The following NOX5 variants were observed in gnomAD, a reference collection of about 807,000 sequenced individuals.
NOX5 encodes the protein NADPH oxidase, EF-hand calcium binding domain 5.
A neutral mutation model predicts 85.7 loss-of-function variants in NOX5; 76 were observed. The ratio of observed to expected loss-of-function variants is 0.89; its 90% confidence interval spans 0.74 to 1.07. The LOEUF is 1.07. Ranked by LOEUF, NOX5 falls within the 50% of genes least tolerant of loss-of-function variation. The probability of loss-of-function intolerance (pLI) is 0.00; values close to 1 mark genes in which losing one functional copy is unlikely to be tolerated. For missense variants in NOX5, 973 were observed against 999.5 expected, an observed-to-expected ratio of 0.97 and a Z score of 0.36; for synonymous variants, 405 against 401.4, an observed-to-expected ratio of 1.01 and a Z score of -0.11.
intron 1 of NOX5, among the ~76,000 whole-genome samples, chr15:69,015,172 T>C (rs577447276): frequency 1.3e-5 from 2 of 152,234 alleles, no homozygotes; most frequent in African/African-American, 4.8e-5. Flanking sequence ...TCTCCTGGGG[T>C]AAATTCTGGC....
intron 15 of NOX5, among the ~76,000 whole-genome samples, chr15:69,055,815 C>G (rs2050805348): frequency 6.6e-6 from 1 of 152,208 alleles, no homozygotes; most frequent in Non-Finnish European, 1.5e-5. Context: ...CCTGGAAAAA[C>G]AACAAATCTT....
intron 10 of NOX5, 126 bp downstream of exon 10, chr15:69,042,931 G>C (rs889640654): frequency 1.9e-6 from 2 of 1,032,042 alleles, no homozygotes; most frequent in Non-Finnish European, 2.8e-6. Context: ...CAGCACAAGG[G>C]GGTTAGGCAA....
intron 10 of NOX5, among the ~76,000 whole-genome samples, chr15:69,046,567 T>C (rs1238846871): frequency 6.6e-6 from 1 of 152,156 alleles, no homozygotes; most frequent in East Asian, 1.9e-4. Flanking sequence ...GTGGGAGCCA[T>C]GGTGGGCAGG....
Position 69,061,768 on chromosome 15 carries a change from G to T in NOX5, c.*5072G>T, listed in dbSNP as rs573407781. 6.6e-6 allele frequency: 1 copy of T among 152,132 alleles called. No individual in the cohort carries two copies. Among genetic ancestry groups the T allele is most frequent in the African/African-American group, 2.4e-5 (1 of 41,410 alleles). 9.4% of individuals were successfully genotyped at this position (152,132 alleles called of 1,614,324 possible). A position where few individuals can be genotyped will look rare whatever the true frequency, so the allele number is the denominator to read the frequency against. On this transcript the variant is annotated 3_prime_UTR_variant, in exon 16 of 16. Coordinates refer to ENST00000388866, the MANE Select transcript of NOX5 (RefSeq NM_024505.4). ...CCTAATACTACTCAGGGACAAATGG[G>T]CCCTCTTAAACTACCCTAGCTGTGT...
rs745697423 is a variant in NOX5, at chr15:69,031,549, A to G, written c.357A>G (p.Thr119=). ...CACGGCAGGGGGCGTCTGCAGGTAC[A>G]GAGTGGGGTGCTGGGGCAGGCCCGC... ...VCARQGASAG[T]EWGAGAGPHW... The change falls in exon 4 of 16, where the codon ACA becomes ACG. Residue 119 remains threonine, a synonymous_variant. Coordinates refer to ENST00000388866, the MANE Select transcript of NOX5 (RefSeq NM_024505.4). 1.2e-6 allele frequency: 2 copies of G among 1,611,704 alleles called. No homozygotes were observed. The highest frequency in any genetic ancestry group is 1.1e-5 in the South Asian group (1 of 91,068).
intron 1 of NOX5, among the ~76,000 whole-genome samples, chr15:69,019,847 G>C (rs1014391194): frequency 1.3e-5 from 2 of 152,194 alleles, no homozygotes; most frequent in Non-Finnish European, 1.5e-5. Flanking sequence ...TACAATTCAT[G>C]TTCTCACCAG....
At chr15:69,052,059 T>C (rs4776428) in intron 14 of NOX5, among the ~76,000 whole-genome samples, 13,766 of 152,032 alleles carry the variant, frequency 0.091, 874 homozygotes, top group East Asian at 0.21. Context: ...AAAAAATGTT[T>C]TTTAAAAAAC....
chr15:69,054,354 C>T (rs746473544), intron 14 of NOX5, among the ~76,000 whole-genome samples: 2 of 152,180 alleles, frequency 1.3e-5, no homozygotes, highest in African/African-American at 2.4e-5. Flanking sequence ...CTTGTGGGCT[C>T]CTTCGTCCCA....
At chr15:69,036,916 G>A in intron 7 of NOX5, 112 bp from the exon 8 acceptor site, 1 of 822,094 alleles carries the variant, frequency 1.2e-6, no homozygotes, top group Non-Finnish European at 2.0e-6. Flanking sequence ...CCCCGGGAGA[G>A]AGTCAAGGCT....
At chr15:69,049,192 CTT>C (rs34467340) in intron 14 of NOX5, 134 bp downstream of exon 14, 14,495 of 288,470 alleles carry the variant, frequency 0.05, no homozygotes, top group East Asian at 0.082. Flanking sequence ...AACCCAGAGT[CTT>C]TTTTTTTTTT....
intron 2 of NOX5, among the ~76,000 whole-genome samples, chr15:69,027,460 C>A (rs547084806): frequency 6.6e-6 from 1 of 152,108 alleles, no homozygotes; most frequent in East Asian, 1.9e-4. Flanking sequence ...CAGTCCACAG[C>A]GGACTTCGGC....
rs999098675 is a variant in NOX5 at position 69,060,315 on chromosome 15, G to A, written c.*3619G>A. The stretch of plus-strand genomic sequence containing the variant: ...TAGGGAGGGATGAGGAACATTAGCC[G>A]AGACTGGCTCTGGGCCAACCTGTTG... On this transcript the variant is annotated 3_prime_UTR_variant, in exon 16 of 16. Coordinates refer to ENST00000388866, the MANE Select transcript of NOX5 (RefSeq NM_024505.4). 9 of 152,288 alleles carry A rather than the reference G, an allele frequency of 5.9e-5. No individual in the cohort carries two copies. Among genetic ancestry groups the A allele is most frequent in the African/African-American group, 1.7e-4 (7 of 41,456 alleles). The allele number at this position is 152,288 out of a possible 1,614,324, so 9.4% of individuals were successfully genotyped here.
intron 10 of NOX5, among the ~76,000 whole-genome samples, chr15:69,044,631 T>G (rs957717090): frequency 1.3e-5 from 2 of 152,184 alleles, no homozygotes; most frequent in East Asian, 3.8e-4. Flanking sequence ...CCAGTCAAGA[T>G]GTAGTAAGTG....
At chr15:69,019,728 T>C (rs311910) in intron 1 of NOX5, among the ~76,000 whole-genome samples, 76,265 of 152,088 alleles carry the variant, frequency 0.5, 19,934 homozygotes, top group Non-Finnish European at 0.59. Flanking sequence ...TTAGCTGTTT[T>C]GAATGGCAAT....
chr15:69,058,909 A>G lies in NOX5; in HGVS notation c.*2213A>G, dbSNP rs2050844859. 1 of 152,232 alleles carries G rather than the reference A, an allele frequency of 6.6e-6. No homozygotes were observed. The highest frequency in any genetic ancestry group is 6.5e-5 in the Admixed American group (1 of 15,284). The allele number at this position is 152,232 out of a possible 1,614,324, so 9.4% of individuals were successfully genotyped here. A position where few individuals can be genotyped will look rare whatever the true frequency, so the allele number is the denominator to read the frequency against. ...GGATGTAAACAGGCTGTGCCAAATC[A>G]TTTGGAAACGTGGCAGAATCTGTTT... On this transcript the variant is annotated 3_prime_UTR_variant, in exon 16 of 16. Coordinates refer to ENST00000388866, the MANE Select transcript of NOX5 (RefSeq NM_024505.4).
chr15:69,019,153 A>C (rs1031943052), intron 1 of NOX5, among the ~76,000 whole-genome samples: 6 of 151,926 alleles, frequency 3.9e-5, no homozygotes, highest in African/African-American at 1.5e-4. Flanking sequence ...ATGAGCCACC[A>C]CCCCCGGCCT....
At chr15:69,033,651 C>T (rs1046517902) in intron 5 of NOX5, among the ~76,000 whole-genome samples, 9 of 150,716 alleles carry the variant, frequency 6.0e-5, no homozygotes, top group Non-Finnish European at 8.8e-5. Context: ...GGTTCTCTGG[C>T]TCATGGATGA....
intron 1 of NOX5, among the ~76,000 whole-genome samples, chr15:69,020,125 C>T (rs1213765257): frequency 6.6e-6 from 1 of 152,206 alleles, no homozygotes; most frequent in African/African-American, 2.4e-5. Flanking sequence ...AGAACACTAA[C>T]ACAGCTGCAA....
At chr15:69,055,580 A>G in intron 15 of NOX5, 80 bp downstream of exon 15, 1 of 1,514,240 alleles carries the variant, frequency 6.6e-7, no homozygotes, top group Non-Finnish European at 9.0e-7. Context: ...GACGAGGCCC[A>G]AGCTGTCAGG....
Sources: gnomAD v4.1 joint callset for allele counts (sites outside exome capture counted in the v4.1 genomes callset) on GRCh38, gnomAD v4.1.1 for gene constraint, MANE v1.5 for transcripts, NCBI Gene and HGNC (gene_info 2026-07-23, HGNC 2026-07-21) for gene names.